RPS6KA2: variants seen among roughly 807,000 people sequenced by gnomAD.
RPS6KA2 encodes the protein ribosomal protein S6 kinase alpha-2.
In RPS6KA2, 42 loss-of-function variants were observed where a neutral mutation model predicts 91.8. That is an observed-to-expected ratio of 0.46 (90% CI 0.36 to 0.59). The LOEUF (loss-of-function observed/expected upper bound fraction) is 0.59, where lower values mean the gene tolerates loss of function less well. Ranked by LOEUF, RPS6KA2 falls within the 20% of genes least tolerant of loss-of-function variation. The probability of loss-of-function intolerance (pLI) is 0.00; values close to 1 mark genes in which losing one functional copy is unlikely to be tolerated. For missense variants in RPS6KA2, 798 were observed against 978.5 expected, an observed-to-expected ratio of 0.82 and a Z score of 2.46; for synonymous variants, 414 against 393.6, an observed-to-expected ratio of 1.05 and a Z score of -0.61.
At chr6:166,787,938 T>A (rs1778974721) in intron 2 of RPS6KA2, among the ~76,000 whole-genome samples, 1 of 105,996 alleles carries the variant, frequency 9.4e-6, no homozygotes, top group Admixed American at 1.2e-4. Flanking sequence ...GACAAAGGGC[T>A]AATATCCAGA....
chr6:166,738,982 G>C (rs1447708174), intron 2 of RPS6KA2, among the ~76,000 whole-genome samples: 1 of 152,106 alleles, frequency 6.6e-6, no homozygotes, highest in Non-Finnish European at 1.5e-5. Flanking sequence ...AACACCTATA[G>C]GTTTCCAAAT....
rs1778254710 is a variant in RPS6KA2, at chr6:166,410,145, T to G, written c.*2617A>C. ...AGCCTGAGATCTAGGGTTCAATGTG[T>G]TTATAAGTTCTGTGATTTTCATGAC... On this transcript the variant is annotated 3_prime_UTR_variant, in exon 21 of 21. Transcript: ENST00000265678. 1 of 151,294 alleles carries G rather than the reference T, an allele frequency of 6.6e-6. No homozygotes were observed. 9.4% of individuals were successfully genotyped at this position (151,294 alleles called of 1,614,324 possible).
chr6:166,556,797 C>T (rs1176368056), intron 1 of RPS6KA2, among the ~76,000 whole-genome samples: 1 of 152,178 alleles, frequency 6.6e-6, no homozygotes, highest in Non-Finnish European at 1.5e-5. Context: ...CCACAGCCTT[C>T]CAGTAAGCTC....
intron 2 of RPS6KA2, among the ~76,000 whole-genome samples, chr6:166,759,281 T>A (rs918533790): frequency 6.6e-6 from 1 of 152,230 alleles, no homozygotes; most frequent in Non-Finnish European, 1.5e-5. Context: ...ATGCCATACA[T>A]CTGCCATTAT....
chr6:166,737,714 G>T lies in RPS6KA2; in HGVS notation c.123+120486C>A, dbSNP rs1241210783. On this transcript the variant is annotated intron_variant, in intron 2 of 21. Transcript: ENST00000503859. This position sits in a 1 kb window ranked among gnomAD's most constrained non-coding sequence, Gnocchi z 4.3. ...GGGCCATGGATCTAACTCCTGTGAT[G>T]CTATAAAGGACTCTGGTGACGGTTC... 6.6e-6 allele frequency among the ~76,000 whole-genome samples: 1 copy of T among 152,154 alleles called. No individual in the cohort carries two copies. The highest frequency in any genetic ancestry group is 2.4e-5 in the African/African-American group (1 of 41,438).
In RPS6KA2 at chr6:166,448,973, G is replaced by C; in HGVS notation, c.1207-124C>G. The C allele has an allele frequency of 1.8e-6, 2 of 1,128,374 alleles. No individual in the cohort carries two copies. The highest frequency in any genetic ancestry group is 2.5e-6 in the Non-Finnish European group (2 of 785,248). 69.9% of individuals were successfully genotyped at this position (1,128,374 alleles called of 1,614,324 possible). On this transcript the variant is annotated intron_variant, in intron 13 of 20. Transcript: ENST00000265678. This position sits in a 1 kb window ranked among gnomAD's most constrained non-coding sequence, Gnocchi z 4.7. ...CTGTGAACTGAGTGTGTGGAGGCCT[G>C]GGAGCTCATGGGTCCCCCTGCCCAA...
chr6:166,607,968 C>T (rs2128530774), intron 1 of RPS6KA2, among the ~76,000 whole-genome samples: 1 of 151,888 alleles, frequency 6.6e-6, no homozygotes, highest in East Asian at 1.9e-4. Context: ...CATGATCGTG[C>T]CCCTGCACTT....
chr6:166,412,403 C>G lies in RPS6KA2; in HGVS notation c.*359G>C, dbSNP rs1429913551. The G allele has an allele frequency of 6.2e-6, 1 of 160,300 alleles. No individual in the cohort carries two copies. Among genetic ancestry groups the G allele is most frequent in the African/African-American group, 2.4e-5 (1 of 41,816 alleles). 9.9% of individuals were successfully genotyped at this position (160,300 alleles called of 1,614,324 possible). On this transcript the variant is annotated 3_prime_UTR_variant, in exon 21 of 21. Coordinates refer to ENST00000265678, the MANE Select transcript of RPS6KA2 (RefSeq NM_021135.6). This position sits in a 1 kb window ranked among gnomAD's most constrained non-coding sequence, Gnocchi z 4.3. ...CGTGGGTGTCGGGAGTCTGACCAAA[C>G]CGACCGGCTTCATAATTGGAAAACA...
chr6:166,559,942 C>T (rs1784290720), intron 1 of RPS6KA2, among the ~76,000 whole-genome samples: 1 of 152,158 alleles, frequency 6.6e-6, no homozygotes, highest in Non-Finnish European at 1.5e-5. Context: ...CTCTCAGCAC[C>T]TTTCTTCTAA....
At chr6:166,669,973 A>T (rs1176163998) in intron 2 of RPS6KA2, among the ~76,000 whole-genome samples, 1 of 152,222 alleles carries the variant, frequency 6.6e-6, no homozygotes, top group Non-Finnish European at 1.5e-5. Flanking sequence ...CTGTGGGTTG[A>T]GGGTTGCTCC....
chr6:166,776,258 A>G (rs1778615967), intron 2 of RPS6KA2, among the ~76,000 whole-genome samples: 1 of 152,214 alleles, frequency 6.6e-6, no homozygotes, highest in Non-Finnish European at 1.5e-5. Flanking sequence ...AGGAGGTTCA[A>G]CGAAAAGCTG....
chr6:166,569,308 G>A (rs1224176357), intron 1 of RPS6KA2, among the ~76,000 whole-genome samples: 1 of 152,204 alleles, frequency 6.6e-6, no homozygotes, highest in East Asian at 1.9e-4. Flanking sequence ...CTCTCCACAG[G>A]GAGGCACCGA....
chr6:166,455,859 G>A (rs1780086976), intron 12 of RPS6KA2, among the ~76,000 whole-genome samples: 1 of 152,228 alleles, frequency 6.6e-6, no homozygotes, highest in African/African-American at 2.4e-5. Context: ...CTACATCATG[G>A]TTTAAGAAAT....
chr6:166,668,295 C>A (rs1195240875), intron 2 of RPS6KA2, among the ~76,000 whole-genome samples: 1 of 152,164 alleles, frequency 6.6e-6, no homozygotes, highest in Non-Finnish European at 1.5e-5. Flanking sequence ...TTGTGTGGGG[C>A]CCTTGGCACC....
intron 1 of RPS6KA2, among the ~76,000 whole-genome samples, chr6:166,610,435 A>G (rs992802405): frequency 6.6e-6 from 1 of 152,228 alleles, no homozygotes; most frequent in African/African-American, 2.4e-5. Context: ...AACAAAATTC[A>G]AAGGAAAGAA....
rs112636476 is a variant in RPS6KA2, at chr6:166,681,090, G to A, written c.124-142306C>T. On this transcript the variant is annotated intron_variant, in intron 2 of 21. Coordinates refer to the RPS6KA2 transcript ENST00000503859. The stretch of plus-strand genomic sequence containing the variant: ...TCCCTAGTGAAGCACAGAAAGCAGG[G>A]AAAATTGGAGAAGGTGGAAAGGGCA... 9.2e-3 allele frequency among the ~76,000 whole-genome samples: 1,398 copies of A among 152,332 alleles called. 11 individuals carry two copies. Among genetic ancestry groups the A allele is most frequent in the Non-Finnish European group, 0.011 (768 of 68,030 alleles).
chr6:166,783,366 C>CT (rs1444727078), intron 2 of RPS6KA2, among the ~76,000 whole-genome samples: 1 of 152,060 alleles, frequency 6.6e-6, no homozygotes, highest in South Asian at 2.1e-4. Context: ...GGAAGGAACT[C>CT]TGTCTTCAGA....
intron 10 of RPS6KA2, 53 bp downstream of exon 10, chr6:166,488,780 T>G (rs1016210776): frequency 1.4e-6 from 2 of 1,425,718 alleles, no homozygotes; most frequent in Non-Finnish European, 2.0e-6. Context: ...CACTGTAGCT[T>G]GCGGGGCAGC....
chr6:166,677,350 G>A lies in RPS6KA2; in HGVS notation c.124-138566C>T, dbSNP rs566626537. On this transcript the variant is annotated intron_variant, in intron 2 of 21. Coordinates refer to the RPS6KA2 transcript ENST00000503859. ...TACTGTGTAGTTAAAAATAAGAAAC[G>A]TGTTCATATCAGTTTTTTTTTTTTT... Among the ~76,000 whole-genome samples the A allele has an allele frequency of 4.2e-4, 64 of 151,512 alleles. No individual in the cohort carries two copies. In the East Asian group the frequency reaches 4.5e-3, roughly 11 times the overall value.
Sources: gnomAD v4.1 joint callset for allele counts (sites outside exome capture counted in the v4.1 genomes callset) on GRCh38, gnomAD v4.1.1 for gene constraint, Gnocchi (gnomAD v3.1) non-coding constraint, MANE v1.5 for transcripts, NCBI Gene and HGNC (gene_info 2026-07-23, HGNC 2026-07-21) for gene names.